Variants in EPM2A observed in about 807,000 individuals in gnomAD.
EPM2A encodes the protein EPM2A glucan phosphatase, laforin, also known as laforin.
Under a neutral mutation model 26.5 loss-of-function variants are expected in EPM2A, and 21 were observed. The observed-to-expected ratio is 0.79, with a 90% CI of 0.56 to 1.14. The LOEUF is 1.14. Ranked by LOEUF, EPM2A falls within the 50% of genes most tolerant of loss-of-function variation. EPM2A has a pLI of 0.00. For synonymous variants in EPM2A, 217 were observed against 177.6 expected (o/e 1.22, Z -1.76); for missense variants, 458 against 440.8 (o/e 1.04, Z -0.35).
intron 4 of EPM2A, among the ~76,000 whole-genome samples, chr6:145,435,135 T>C (rs1778973432): frequency 6.6e-6 from 1 of 152,182 alleles, no homozygotes; most frequent in South Asian, 2.1e-4. Context: ...CTTCTTTTTA[T>C]TTACTTATTC....
chr6:145,419,954 ATTTTAT>A (rs1778760829), intron 4 of EPM2A, among the ~76,000 whole-genome samples: 1 of 152,150 alleles, frequency 6.6e-6, no homozygotes, highest in Admixed American at 6.6e-5. Context: ...TTTAAAATAT[ATTTTAT>A]TAAGGGCTGT....
chr6:145,384,342 G>GTAAATGACCAAAGCTTTA (rs1400299575), intron 4 of EPM2A, among the ~76,000 whole-genome samples: 10 of 123,042 alleles, frequency 8.1e-5, no homozygotes, highest in East Asian at 2.2e-4. Context: ...GTTGTAAGTT[G>GTAAATGACCAAAGCTTTA]GATTTCTGGG....
intron 1 of EPM2A, among the ~76,000 whole-genome samples, chr6:145,722,152 A>C (rs1363834300): frequency 6.6e-6 from 1 of 152,204 alleles, no homozygotes; most frequent in African/African-American, 2.4e-5. Context: ...GTCTGGCATA[A>C]TTTTATTTTG....
intron 4 of EPM2A, among the ~76,000 whole-genome samples, chr6:145,405,653 A>G (rs1009318585): frequency 6.6e-6 from 1 of 152,146 alleles, no homozygotes; most frequent in Admixed American, 6.6e-5. Context: ...AATCAGGATT[A>G]TTACTTTATT....
chr6:145,564,500 T>C (rs1780852463), intron 2 of EPM2A, among the ~76,000 whole-genome samples: 1 of 152,234 alleles, frequency 6.6e-6, no homozygotes, highest in African/African-American at 2.4e-5. Context: ...TGACTGGCTA[T>C]AGCTAGGCAT....
At chr6:145,578,698 T>C (rs2114833619) in intron 2 of EPM2A, among the ~76,000 whole-genome samples, 1 of 152,306 alleles carries the variant, frequency 6.6e-6, no homozygotes, top group Admixed American at 6.5e-5. Context: ...AAACAAATAC[T>C]TTATCAAGGT....
Position 145,614,009 on chromosome 6 carries a change from G to A in EPM2A, c.340+21236C>T, listed in dbSNP as rs184602210. Reference sequence around the variant, plus strand: ...TCTTTAGCTATGAAAGTCTTAAATGGCATCTTCTTCTAATAGAAGGCTGTT... The same window carrying A: ...TCTTTAGCTATGAAAGTCTTAAATGACATCTTCTTCTAATAGAAGGCTGTT... On this transcript the variant is annotated intron_variant, in intron 2 of 3. Transcript: ENST00000450221. Among the ~76,000 whole-genome samples the A allele has an allele frequency of 5.1e-3, 773 of 152,276 alleles. 2 individuals carry two copies. The highest frequency in any genetic ancestry group is 8.1e-3 in the Non-Finnish European group (553 of 68,014).
rs1014602169 is a variant in EPM2A, at chr6:145,627,340, T to C, written c.*76A>G. 4.0e-5 allele frequency: 64 copies of C among 1,606,478 alleles called. No individual in the cohort carries two copies. In the Middle Eastern group the frequency reaches 3.8e-3, roughly 96 times the overall value. ...GTCCTTTCAGTTCAGGTAGAATCCT[T>C]GTTTCTAGGTCATTTGACCAACATC... On this transcript the variant is annotated 3_prime_UTR_variant, in exon 4 of 4. Coordinates refer to ENST00000367519, the MANE Select transcript of EPM2A (RefSeq NM_005670.4).
intron 4 of EPM2A, among the ~76,000 whole-genome samples, chr6:145,428,755 C>T (rs1289023094): frequency 6.6e-6 from 1 of 152,138 alleles, no homozygotes; most frequent in African/African-American, 2.4e-5. Flanking sequence ...TGCAGAAGAC[C>T]TTAACATCGA....
intron 2 of EPM2A, among the ~76,000 whole-genome samples, chr6:145,592,374 T>C (rs1781286113): frequency 6.6e-6 from 1 of 152,076 alleles, no homozygotes; most frequent in African/African-American, 2.4e-5. Context: ...TATTCCATGG[T>C]TTATATGTGC....
At chr6:145,685,876 T>C (rs1298428696) in intron 2 of EPM2A, among the ~76,000 whole-genome samples, 3 of 152,194 alleles carry the variant, frequency 2.0e-5, no homozygotes, top group Non-Finnish European at 2.9e-5. Flanking sequence ...GGTTAGCTAC[T>C]ATCTGGTCAA....
chr6:145,595,423 A>C (rs572605111), intron 2 of EPM2A, among the ~76,000 whole-genome samples: 3 of 151,984 alleles, frequency 2.0e-5, no homozygotes, highest in East Asian at 1.9e-4. Flanking sequence ...AAAAAAAAAA[A>C]ACTTATAGCA....
At chr6:145,545,764 T>C (rs977821562) in intron 2 of EPM2A, among the ~76,000 whole-genome samples, 4 of 152,160 alleles carry the variant, frequency 2.6e-5, no homozygotes, top group African/African-American at 7.2e-5. Flanking sequence ...CTTTCTCCTC[T>C]ACTTCCCAGC....
At chr6:145,400,505 T>A (rs1304053080) in intron 4 of EPM2A, among the ~76,000 whole-genome samples, 1 of 152,104 alleles carries the variant, frequency 6.6e-6, no homozygotes, top group Non-Finnish European at 1.5e-5. Flanking sequence ...TTTTTTGTGG[T>A]TTCGGCACAA....
intron 4 of EPM2A, among the ~76,000 whole-genome samples, chr6:145,479,632 C>G (rs1262940934): frequency 6.6e-6 from 1 of 151,862 alleles, no homozygotes; most frequent in East Asian, 1.9e-4. Flanking sequence ...CTCTATATGC[C>G]ACATTTTGTT....
intron 3 of EPM2A, chr6:145,632,063 G>A (rs1338751117): frequency 6.6e-6 from 1 of 152,118 alleles, no homozygotes; most frequent in Admixed American, 6.5e-5. Context: ...TTCCAACTTT[G>A]TGATTTTCAA....
At chr6:145,447,044 T>A (rs1779136565) in intron 4 of EPM2A, among the ~76,000 whole-genome samples, 1 of 152,186 alleles carries the variant, frequency 6.6e-6, no homozygotes, top group Admixed American at 6.5e-5. Context: ...AAGTACTCTG[T>A]ATTTACTTTT....
At chr6:145,536,262 T>G (rs1290245564) in intron 2 of EPM2A, among the ~76,000 whole-genome samples, 1 of 146,956 alleles carries the variant, frequency 6.8e-6, no homozygotes, top group Non-Finnish European at 1.5e-5. Flanking sequence ...TGTTTTTGTT[T>G]TTGTTTTTGT....
chr6:145,733,771 G>T (rs1228157803), intron 1 of EPM2A, among the ~76,000 whole-genome samples: 1 of 152,112 alleles, frequency 6.6e-6, no homozygotes, highest in Non-Finnish European at 1.5e-5. Context: ...AGGTAGAGAA[G>T]GAGAACAAGG....
Sources: allele counts gnomAD v4.1 joint callset (sites outside exome capture counted in the v4.1 genomes callset), GRCh38; gene constraint gnomAD v4.1.1; transcripts MANE v1.5; gene names NCBI Gene and HGNC (gene_info 2026-07-23, HGNC 2026-07-21).